Variants in SLC6A2 observed in about 807,000 individuals in gnomAD.
SLC6A2 encodes solute carrier family 6 member 2.
A neutral mutation model predicts 71.7 loss-of-function variants in SLC6A2; 26 were observed. The observed-to-expected ratio is 0.36, with a 90% CI of 0.27 to 0.50. The LOEUF (loss-of-function observed/expected upper bound fraction) is 0.50. Ranked by LOEUF, SLC6A2 falls within the 20% of genes least tolerant of loss-of-function variation. SLC6A2 has a pLI of 0.96. For missense variants in SLC6A2, 581 were observed against 803.9 expected (o/e 0.72, Z 3.35); for synonymous variants, 363 against 337.9 (o/e 1.07, Z -0.82).
intron 2 of SLC6A2, among the ~76,000 whole-genome samples, chr16:55,667,020 T>G (rs1158226090): frequency 6.6e-6 from 1 of 152,168 alleles, no homozygotes; most frequent in Non-Finnish European, 1.5e-5. Flanking sequence ...TAAATTTTTT[T>G]TTTTTGAGTC....
chr16:55,702,697 T>C lies in SLC6A2; in HGVS notation c.*351T>C. ...GCCTAGACTTTGGGCACAGGAGTTCTTAGTCCACCAAATCAGAGAGAGGAT... is the reference window on the plus strand; with the variant it reads ...GCCTAGACTTTGGGCACAGGAGTTCCTAGTCCACCAAATCAGAGAGAGGAT... On this transcript the variant is annotated 3_prime_UTR_variant, in exon 15 of 15. Transcript: ENST00000568943. 1 of 1,169,966 alleles carries C rather than the reference T, an allele frequency of 8.5e-7. No homozygotes were observed. The highest frequency in any genetic ancestry group is 1.1e-6 in the Non-Finnish European group (1 of 944,478). The allele number at this position is 1,169,966 out of a possible 1,614,324, so 72.5% of individuals were successfully genotyped here.
At chr16:55,695,005 G>A (rs563315354) in intron 7 of SLC6A2, among the ~76,000 whole-genome samples, 1 of 152,302 alleles carries the variant, frequency 6.6e-6, no homozygotes, top group South Asian at 2.1e-4. Flanking sequence ...GAGGCACTGG[G>A]GAGCAGCCAT....
chr16:55,693,898 A>T (rs1156255442), intron 6 of SLC6A2, 112 bp from the exon 7 acceptor site: 26 of 804,186 alleles, frequency 3.2e-5, no homozygotes, highest in Middle Eastern at 2.9e-4. Context: ...GGTTCAGACC[A>T]TGTTTCCTCT....
chr16:55,665,980 T>C (rs1033190412), intron 2 of SLC6A2, among the ~76,000 whole-genome samples: 4 of 152,252 alleles, frequency 2.6e-5, no homozygotes, highest in Non-Finnish European at 5.9e-5. Context: ...GTGAGTGCGT[T>C]GACATGCAAA....
At chr16:55,678,956 C>A (rs993809054) in intron 4 of SLC6A2, among the ~76,000 whole-genome samples, 2 of 152,166 alleles carry the variant, frequency 1.3e-5, no homozygotes, top group East Asian at 3.9e-4. Context: ...ACCTAGACAA[C>A]CTCTACAACC....
At chr16:55,697,436 C>T (rs191285078) in intron 9 of SLC6A2, among the ~76,000 whole-genome samples, 148 of 152,280 alleles carry the variant, frequency 9.7e-4, no homozygotes, top group African/African-American at 3.3e-3. Flanking sequence ...GACCACTTTG[C>T]TTGATCATTA....
At chr16:55,697,044 T>A (rs928751473) in intron 9 of SLC6A2, among the ~76,000 whole-genome samples, 1 of 152,202 alleles carries the variant, frequency 6.6e-6, no homozygotes. Context: ...GTTTCTTACA[T>A]CCTTTTATTT....
Position 55,691,906 on chromosome 16 carries a change from T to C in SLC6A2, c.784-12T>C, listed in dbSNP as rs1965642579. 1 of 1,614,122 alleles carries C rather than the reference T, an allele frequency of 6.2e-7. No homozygotes were observed. Among genetic ancestry groups the C allele is most frequent in the Non-Finnish European group, 8.5e-7 (1 of 1,180,000 alleles). Reference sequence around the variant, plus strand: ...AGAGCGAGGCTCTCACCTGAACTTATCCATTGCCCAGGTGGTGTGGATCAC... The same window carrying C: ...AGAGCGAGGCTCTCACCTGAACTTACCCATTGCCCAGGTGGTGTGGATCAC... On this transcript the variant is annotated splice_polypyrimidine_tract_variant and intron_variant, in intron 5 of 14. Transcript: ENST00000568943.
chr16:55,703,198 C>T lies in SLC6A2; in HGVS notation c.*852C>T. The T allele has an allele frequency of 2.0e-6, 2 of 985,400 alleles. No homozygotes were observed. Among genetic ancestry groups the T allele is most frequent in the Non-Finnish European group, 2.4e-6 (2 of 829,888 alleles). The allele number at this position is 985,400 out of a possible 1,614,324, so 61.0% of individuals were successfully genotyped here. ...TAAGACACGGAGCCCAGAAACCCAT[C>T]TGCACTTCCTGAGACCTGCCTGGGG... On this transcript the variant is annotated 3_prime_UTR_variant, in exon 15 of 15. Coordinates refer to ENST00000568943, the MANE Select transcript of SLC6A2 (RefSeq NM_001172501.3).
At chr16:55,699,478 G>A in intron 11 of SLC6A2, 76 bp from the exon 12 acceptor site, 4 of 1,179,570 alleles carry the variant, frequency 3.4e-6, no homozygotes, top group East Asian at 2.3e-5. Flanking sequence ...TCCACCTGGG[G>A]CCAGAACCTC....
At chr16:55,685,047 A>T (rs1484470346) in intron 4 of SLC6A2, 96 bp from the exon 5 acceptor site, 1 of 1,235,026 alleles carries the variant, frequency 8.1e-7, no homozygotes, top group East Asian at 2.4e-5. Flanking sequence ...TCCTGTCTCC[A>T]TCAGCATGCA....
intron 2 of SLC6A2, among the ~76,000 whole-genome samples, chr16:55,658,872 G>A (rs1176578987): frequency 1.3e-5 from 2 of 152,204 alleles, no homozygotes; most frequent in Non-Finnish European, 2.9e-5. Flanking sequence ...ATCCAGAGGT[G>A]AAACTTTCCC....
chr16:55,671,899 G>T, intron 3 of SLC6A2, 39 bp from the exon 4 acceptor site: 1 of 1,613,466 alleles, frequency 6.2e-7, no homozygotes, highest in Middle Eastern at 1.7e-4. Flanking sequence ...GTGGGGCTGG[G>T]CCTGGGAGAC....
chr16:55,660,216 A>G (rs1964573721), intron 2 of SLC6A2, among the ~76,000 whole-genome samples: 1 of 152,162 alleles, frequency 6.6e-6, no homozygotes, highest in Non-Finnish European at 1.5e-5. Flanking sequence ...ATCTCAGAGA[A>G]CAGGAGTGCA....
At chr16:55,695,013 C>A (rs764095108) in intron 7 of SLC6A2, among the ~76,000 whole-genome samples, 4 of 152,162 alleles carry the variant, frequency 2.6e-5, no homozygotes, top group African/African-American at 9.7e-5. Flanking sequence ...GGGGAGCAGC[C>A]ATGGAAGGTT....
chr16:55,698,495 G>A lies in SLC6A2; in HGVS notation c.1416G>A (p.Leu472=), dbSNP rs1189550449. Reference sequence around the variant, plus strand: ...GTGGAATTTACGTCTTGACCCTCCTGGACACCTTTGCTGCGGGCACCTCCA... The same window carrying A: ...GTGGAATTTACGTCTTGACCCTCCTAGACACCTTTGCTGCGGGCACCTCCA... ...TKGGIYVLTL[L]DTFAAGTSIL... The change falls in exon 11 of 15, where the codon CTG becomes CTA. Residue 472 remains leucine, a synonymous_variant. Coordinates refer to ENST00000568943, the MANE Select transcript of SLC6A2 (RefSeq NM_001172501.3). The A allele has an allele frequency of 1.9e-6, 3 of 1,613,922 alleles. No individual in the cohort carries two copies. In the African/African-American group the frequency reaches 4.0e-5, roughly 22 times the overall value.
intron 6 of SLC6A2, among the ~76,000 whole-genome samples, chr16:55,692,274 G>A (rs1375074909): frequency 6.6e-6 from 1 of 152,178 alleles, no homozygotes; most frequent in Non-Finnish European, 1.5e-5. Context: ...GGGATTCTGT[G>A]GTTGCATCTG....
At chr16:55,672,479 A>G (rs36024) in intron 4 of SLC6A2, among the ~76,000 whole-genome samples, 84,239 of 152,070 alleles carry the variant, frequency 0.55, 23,642 homozygotes, top group South Asian at 0.6. Context: ...TTTCTGGGGT[A>G]TGTAACTGCT....
chr16:55,701,706 C>T (rs1419998959), intron 13 of SLC6A2, among the ~76,000 whole-genome samples, 157 bp from the exon 14 acceptor site: 1 of 152,252 alleles, frequency 6.6e-6, no homozygotes, highest in African/African-American at 2.4e-5. Context: ...ACCAGCTCCA[C>T]AAACAAAGCT....
Sources: allele counts gnomAD v4.1 joint callset (sites outside exome capture counted in the v4.1 genomes callset), GRCh38; gene constraint gnomAD v4.1.1; transcripts MANE v1.5; gene names NCBI Gene and HGNC (gene_info 2026-07-23, HGNC 2026-07-21).